CSMD1: variants seen among roughly 807,000 people sequenced by gnomAD.
CSMD1 encodes CUB and Sushi multiple domains 1, also known as CUB and sushi domain-containing protein 1.
A neutral mutation model predicts 417.5 loss-of-function variants in CSMD1; 213 were observed. The observed-to-expected ratio is 0.51, with a 90% CI of 0.46 to 0.57. The LOEUF (loss-of-function observed/expected upper bound fraction) is 0.57, where lower values mean the gene tolerates loss of function less well. Ranked by LOEUF, CSMD1 falls within the 20% of genes least tolerant of loss-of-function variation. CSMD1 has a pLI of 0.00. For missense variants in CSMD1, 6,923 were observed against 4,529.7 expected (o/e 1.53, Z -15.17); for synonymous variants, 2,862 against 1,736.8 (o/e 1.65, Z -16.11).
intron 5 of CSMD1, among the ~76,000 whole-genome samples, chr8:3,972,141 G>A (rs755426410): frequency 6.6e-6 from 1 of 152,076 alleles, no homozygotes; most frequent in South Asian, 2.1e-4. Flanking sequence ...AAAGTGCTGG[G>A]ATGACAGGTT....
At chr8:4,115,823 A>C (rs1802104836) in intron 3 of CSMD1, among the ~76,000 whole-genome samples, 1 of 152,106 alleles carries the variant, frequency 6.6e-6, no homozygotes, top group South Asian at 2.1e-4. Flanking sequence ...AGTAAAAAAA[A>C]AGCCAATCTG....
intron 26 of CSMD1, among the ~76,000 whole-genome samples, chr8:3,272,154 G>A (rs1246201260): frequency 6.8e-6 from 1 of 146,862 alleles, no homozygotes; most frequent in Non-Finnish European, 1.5e-5. Flanking sequence ...CATATGGTTA[G>A]CCAGTTTTCC....
At chr8:4,742,210 T>G (rs1471271721) in intron 1 of CSMD1, among the ~76,000 whole-genome samples, 2 of 150,940 alleles carry the variant, frequency 1.3e-5, no homozygotes, top group Non-Finnish European at 3.0e-5. Flanking sequence ...TTTTGTATTT[T>G]TAGTAGAGAC....
intron 2 of CSMD1, among the ~76,000 whole-genome samples, chr8:4,447,407 C>A (rs1190457346): frequency 1.3e-5 from 2 of 152,090 alleles, no homozygotes; most frequent in Non-Finnish European, 2.9e-5. Context: ...GGAAAGGAAG[C>A]CTGAAGTGGA....
intron 3 of CSMD1, among the ~76,000 whole-genome samples, chr8:4,195,952 C>T (rs895306593): frequency 5.3e-5 from 8 of 152,092 alleles, no homozygotes; most frequent in Admixed American, 3.3e-4. Context: ...TGGCTCACGC[C>T]TGTAATCCCA....
chr8:4,390,995 T>C (rs186599697), intron 3 of CSMD1, among the ~76,000 whole-genome samples: 12 of 152,290 alleles, frequency 7.9e-5, no homozygotes, highest in African/African-American at 2.9e-4. Flanking sequence ...CATATGTGTG[T>C]TTGTACTTCA....
rs188587974 is a variant in CSMD1 at position 4,427,044 on chromosome 8, C to T, written c.303-6979G>A. 2.1e-4 allele frequency among the ~76,000 whole-genome samples: 32 copies of T among 151,936 alleles called. No individual in the cohort carries two copies. In the East Asian group the frequency reaches 4.5e-3, roughly 21 times the overall value. On this transcript the variant is annotated intron_variant, in intron 2 of 69. Coordinates refer to ENST00000635120, the MANE Select transcript of CSMD1 (RefSeq NM_033225.6). ...ATGTCCCCACGAGAACTGGTGTAGA[C>T]GGAACAGCCCCAGAGAGCTTGGGAG...
intron 25 of CSMD1, among the ~76,000 whole-genome samples, chr8:3,300,405 T>C (rs73501991): frequency 0.017 from 2,523 of 152,000 alleles, 71 homozygotes; most frequent in African/African-American, 0.057. Context: ...TTAAGAAAAA[T>C]AATTAACCAT....
At chr8:4,084,388 C>T (rs557000438) in intron 3 of CSMD1, among the ~76,000 whole-genome samples, 7 of 151,596 alleles carry the variant, frequency 4.6e-5, no homozygotes, top group Middle Eastern at 6.8e-3. Flanking sequence ...AAACAATATG[C>T]GATTTAAATT....
intron 1 of CSMD1, among the ~76,000 whole-genome samples, chr8:4,639,246 T>A (rs1803044974): frequency 7.9e-6 from 1 of 126,044 alleles, no homozygotes; most frequent in South Asian, 2.8e-4. Context: ...TCCCTGTGGT[T>A]GTCAATTTTT....
At chr8:3,151,128 G>A (rs1023529529) in intron 40 of CSMD1, 6 of 290,814 alleles carry the variant, frequency 2.1e-5, no homozygotes, top group African/African-American at 1.3e-4. Context: ...ATTGAATTAG[G>A]GATGCTATAT....
chr8:4,432,175 ATATT>A (rs1797908454), intron 2 of CSMD1, among the ~76,000 whole-genome samples: 1 of 152,226 alleles, frequency 6.6e-6, no homozygotes, highest in Admixed American at 6.5e-5. Context: ...ATTGGCAATT[ATATT>A]GCGAAGTTTG....
intron 5 of CSMD1, among the ~76,000 whole-genome samples, chr8:3,938,891 ATATC>A (rs1445445643): frequency 1.3e-5 from 2 of 152,172 alleles, no homozygotes; most frequent in Non-Finnish European, 2.9e-5. Flanking sequence ...TGACAACTGT[ATATC>A]TATATGCTCA....
chr8:4,776,002 A>G (rs1796836268), intron 1 of CSMD1, among the ~76,000 whole-genome samples: 1 of 152,182 alleles, frequency 6.6e-6, no homozygotes, highest in Non-Finnish European at 1.5e-5. Flanking sequence ...CAGAAATGCC[A>G]GCACAAAAAT....
intron 41 of CSMD1, among the ~76,000 whole-genome samples, chr8:3,133,258 G>A (rs1438678688): frequency 1.3e-5 from 2 of 152,164 alleles, no homozygotes; most frequent in African/African-American, 2.4e-5. Context: ...GGCTGCTGCT[G>A]TCTTCCTGGG....
intron 26 of CSMD1, among the ~76,000 whole-genome samples, chr8:3,259,582 T>G (rs1800905838): frequency 1.3e-5 from 2 of 152,234 alleles, no homozygotes; most frequent in African/African-American, 4.8e-5. Context: ...GATTAGTTGT[T>G]AAACATGATG....
intron 10 of CSMD1, among the ~76,000 whole-genome samples, chr8:3,501,310 G>A (rs1442028849): frequency 1.3e-5 from 2 of 152,026 alleles, no homozygotes; most frequent in Non-Finnish European, 2.9e-5. Flanking sequence ...AAAAATGTAT[G>A]CATCATTGGG....
chr8:3,793,922 C>G (rs1041803762), intron 5 of CSMD1, among the ~76,000 whole-genome samples: 3 of 152,130 alleles, frequency 2.0e-5, no homozygotes, highest in Admixed American at 6.5e-5. Context: ...CTGTGATTCT[C>G]TTGATACTCT....
intron 7 of CSMD1, among the ~76,000 whole-genome samples, chr8:3,628,612 G>T (rs1019750323): frequency 1.3e-5 from 2 of 152,152 alleles, no homozygotes; most frequent in Admixed American, 6.5e-5. Context: ...GAGGAAGAGG[G>T]AGTGTCTCAG....
Sources: gnomAD v4.1 joint callset for allele counts (sites outside exome capture counted in the v4.1 genomes callset) on GRCh38, gnomAD v4.1.1 for gene constraint, MANE v1.5 for transcripts, NCBI Gene and HGNC (gene_info 2026-07-23, HGNC 2026-07-21) for gene names.